Variants in SLIT2 observed in about 807,000 individuals in gnomAD.
The protein encoded by SLIT2 is slit guidance ligand 2.
In SLIT2, 41 loss-of-function variants were observed where a neutral mutation model predicts 185.7. That is an observed-to-expected ratio of 0.22 (90% CI 0.17 to 0.29). The LOEUF is 0.29. Ranked by LOEUF, SLIT2 falls within the 10% of genes least tolerant of loss-of-function variation. SLIT2 has a pLI of 1.00. For synonymous variants in SLIT2, 693 were observed against 680.2 expected, an observed-to-expected ratio of 1.02 and a Z score of -0.29; for missense variants, 1,571 against 1,909.0, an observed-to-expected ratio of 0.82 and a Z score of 3.30.
intron 4 of SLIT2, among the ~76,000 whole-genome samples, chr4:20,388,917 T>C (rs866778577): frequency 1.4e-4 from 21 of 146,166 alleles, no homozygotes; most frequent in African/African-American, 5.2e-4. Context: ...ACATATAATA[T>C]ATATAATATA....
chr4:20,509,494 C>T (rs1024786410), intron 9 of SLIT2, among the ~76,000 whole-genome samples: 13 of 152,186 alleles, frequency 8.5e-5, no homozygotes, highest in African/African-American at 2.9e-4. Context: ...TTCTTCTCCC[C>T]GCCAACCTTT....
At chr4:20,311,357 A>G (rs993880904) in intron 4 of SLIT2, among the ~76,000 whole-genome samples, 1 of 152,252 alleles carries the variant, frequency 6.6e-6, no homozygotes, top group Non-Finnish European at 1.5e-5. Flanking sequence ...TATTTTAGCA[A>G]TAACTTTTGA....
intron 19 of SLIT2, 127 bp downstream of exon 19, chr4:20,539,711 C>G (rs934216662): frequency 1.9e-6 from 1 of 527,764 alleles, no homozygotes; most frequent in Non-Finnish European, 3.0e-6. Flanking sequence ...AAAGGACAAA[C>G]TTGTTCACAT....
chr4:20,472,258 C>CTATA (rs1337807058), intron 5 of SLIT2, among the ~76,000 whole-genome samples: 3 of 31,246 alleles, frequency 9.6e-5, no homozygotes, highest in African/African-American at 4.6e-4. Context: ...ATATATAGAT[C>CTATA]TATATATAGA....
At chr4:20,322,915 A>G (rs1719227305) in intron 4 of SLIT2, among the ~76,000 whole-genome samples, 1 of 152,164 alleles carries the variant, frequency 6.6e-6, no homozygotes, top group Admixed American at 6.5e-5. Flanking sequence ...CACTGTTTGT[A>G]AAAGGAGTCT....
At chr4:20,582,353 C>G (rs1432431293) in intron 29 of SLIT2, among the ~76,000 whole-genome samples, 1 of 152,156 alleles carries the variant, frequency 6.6e-6, no homozygotes, top group Non-Finnish European at 1.5e-5. Flanking sequence ...TTTCTAGGGC[C>G]CCATAAAATG....
chr4:20,441,679 T>A (rs1729765281), intron 4 of SLIT2, among the ~76,000 whole-genome samples: 1 of 152,028 alleles, frequency 6.6e-6, no homozygotes, highest in South Asian at 2.1e-4. Flanking sequence ...GCCCTTGGGG[T>A]TTGCTCGGAA....
At position 20,514,649 on chromosome 4, in the gene SLIT2, A is replaced by C. The variant is rs1280890598; in HGVS notation, c.1058+3512A>C. On this transcript the variant is annotated intron_variant, in intron 11 of 36. Transcript: ENST00000504154. ...AACCAAGTGAGTCTCTGTCTCAAAA[A>C]AATAAATAAATAAAAATTTCAAGTT... Among the ~76,000 whole-genome samples, 3 of 151,980 alleles carry C rather than the reference A, an allele frequency of 2.0e-5. No homozygotes were observed. The Admixed American group carries it at 2.0e-4, about 10-fold the overall frequency.
At chr4:20,351,029 T>C (rs1721825477) in intron 4 of SLIT2, among the ~76,000 whole-genome samples, 1 of 151,772 alleles carries the variant, frequency 6.6e-6, no homozygotes, top group Non-Finnish European at 1.5e-5. Flanking sequence ...TTTTGAGGTT[T>C]GATATAGTCT....
At chr4:20,291,471 TATATATATATATATATATA>T (rs1715842625) in intron 4 of SLIT2, among the ~76,000 whole-genome samples, 2 of 8,470 alleles carry the variant, frequency 2.4e-4, no homozygotes, top group Non-Finnish European at 6.6e-4. Flanking sequence ...TATATATATA[TATATATATATATATATATA>T]TATTTTTTTT....
chr4:20,286,514 C>T (rs765610398), intron 4 of SLIT2, among the ~76,000 whole-genome samples: 2 of 151,940 alleles, frequency 1.3e-5, no homozygotes, highest in Non-Finnish European at 1.5e-5. Context: ...TAAAGTACAG[C>T]TAGGAGGCCA....
chr4:20,513,337 A>C (rs1261676555), intron 11 of SLIT2, among the ~76,000 whole-genome samples: 1 of 152,234 alleles, frequency 6.6e-6, no homozygotes, highest in African/African-American at 2.4e-5. Flanking sequence ...AAAAGAATCA[A>C]ATAACTGAGT....
At chr4:20,384,672 G>A (rs1724795836) in intron 4 of SLIT2, among the ~76,000 whole-genome samples, 1 of 152,034 alleles carries the variant, frequency 6.6e-6, no homozygotes, top group African/African-American at 2.4e-5. Context: ...TTTTAGAAAG[G>A]AACCGTTGAA....
At chr4:20,602,392 C>A (rs1265850478) in intron 33 of SLIT2, among the ~76,000 whole-genome samples, 3 of 152,138 alleles carry the variant, frequency 2.0e-5, no homozygotes, top group Non-Finnish European at 2.9e-5. Flanking sequence ...AGTAATTATT[C>A]TTTTAGCGTA....
chr4:20,274,004 G>A (rs1294952686), intron 4 of SLIT2, among the ~76,000 whole-genome samples: 1 of 152,106 alleles, frequency 6.6e-6, no homozygotes, highest in Non-Finnish European at 1.5e-5. Context: ...CTCATCTAGC[G>A]CGCTGCCATG....
At chr4:20,534,966 T>C (rs1266185995) in intron 18 of SLIT2, among the ~76,000 whole-genome samples, 1 of 152,088 alleles carries the variant, frequency 6.6e-6, no homozygotes, top group Admixed American at 6.5e-5. Context: ...TTGGTGCCCT[T>C]TCAAAATGAT....
rs55841917 is a variant in SLIT2, at chr4:20,570,731, G to GTATATATATATATATATA, written c.3088+1741_3088+1758dup. Among the ~76,000 whole-genome samples, 140 of 125,530 alleles carry GTATATATATATATATATA rather than the reference G, an allele frequency of 1.1e-3. 1 individual carries two copies. The highest frequency in any genetic ancestry group is 2.1e-3 in the African/African-American group (69 of 33,614). 82.4% of individuals were successfully genotyped at this position (125,530 alleles called of 152,430 possible). A position where few individuals can be genotyped will look rare whatever the true frequency, so the allele number is the denominator to read the frequency against. The stretch of plus-strand genomic sequence containing the variant: ...ACCAGGAATATATATATATATATAT[G>GTATATATATATATATATA]TATATATATATATATATATATATAT... On this transcript the variant is annotated intron_variant, in intron 29 of 36. Coordinates refer to ENST00000504154, the MANE Select transcript of SLIT2 (RefSeq NM_004787.4).
chr4:20,524,891 T>C (rs939345779), intron 14 of SLIT2, among the ~76,000 whole-genome samples: 2 of 152,200 alleles, frequency 1.3e-5, no homozygotes, highest in Non-Finnish European at 1.5e-5. Flanking sequence ...CTATGCTACC[T>C]AACTATTCCA....
chr4:20,548,274 T>TAA (rs1316081142), intron 22 of SLIT2, among the ~76,000 whole-genome samples: 1 of 152,094 alleles, frequency 6.6e-6, no homozygotes, highest in Non-Finnish European at 1.5e-5. Flanking sequence ...CATATATATA[T>TAA]AATCACTCCT....
Sources: allele counts gnomAD v4.1 joint callset (sites outside exome capture counted in the v4.1 genomes callset), GRCh38; gene constraint gnomAD v4.1.1; transcripts MANE v1.5; gene names NCBI Gene and HGNC (gene_info 2026-07-23, HGNC 2026-07-21).